The following BCR variants were observed in gnomAD, a reference collection of about 807,000 sequenced individuals.
BCR encodes BCR activator of RhoGEF and GTPase.
Under a neutral mutation model 138.6 loss-of-function variants are expected in BCR, and 58 were observed. The ratio of observed to expected loss-of-function variants is 0.42; its 90% CI spans 0.34 to 0.52. The LOEUF is 0.52. BCR is among the 20% of genes least tolerant of loss of function. BCR has a pLI of 0.06. For missense variants in BCR, 1,599 were observed against 1,727.2 expected (o/e 0.93, Z 1.32); for synonymous variants, 786 against 730.1 (o/e 1.08, Z -1.23).
intron 8 of BCR, among the ~76,000 whole-genome samples, chr22:23,275,825 C>T (rs1359059560): frequency 5.3e-5 from 8 of 152,228 alleles, no homozygotes; most frequent in Non-Finnish European, 1.5e-5. Flanking sequence ...GCTCTGACCT[C>T]CTGGGAAGTG....
intron 1 of BCR, among the ~76,000 whole-genome samples, chr22:23,215,347 C>G (rs150395661): frequency 6.6e-6 from 1 of 152,118 alleles, no homozygotes; most frequent in African/African-American, 2.4e-5. Context: ...CACATGTGCC[C>G]CAGGTACCAC....
chr22:23,182,560 C>T (rs984681680), intron 1 of BCR, among the ~76,000 whole-genome samples: 4 of 152,312 alleles, frequency 2.6e-5, no homozygotes, highest in East Asian at 3.9e-4. Context: ...CAGGCAGTAA[C>T]CTCCTTGCTA....
At chr22:23,289,165 G>A (rs530262244) in intron 12 of BCR, among the ~76,000 whole-genome samples, 2 of 152,344 alleles carry the variant, frequency 1.3e-5, no homozygotes, top group South Asian at 2.1e-4. Context: ...AGCAGAGGAC[G>A]GGCAGAGCCA....
At chr22:23,233,362 T>G (rs1315551245) in intron 1 of BCR, among the ~76,000 whole-genome samples, 1 of 152,156 alleles carries the variant, frequency 6.6e-6, no homozygotes, top group Non-Finnish European at 1.5e-5. Context: ...TGTTCTCGTT[T>G]GGAAACAGAA....
chr22:23,249,823 GC>G (rs1308880260), intron 1 of BCR, among the ~76,000 whole-genome samples: 1 of 152,182 alleles, frequency 6.6e-6, no homozygotes, highest in Non-Finnish European at 1.5e-5. Flanking sequence ...AGGGGCTGAA[GC>G]CCTCATATGG....
rs146090483 is a variant in BCR, at chr22:23,240,720, T to C, written c.1280-13079T>C. Among the ~76,000 whole-genome samples, 16 of 152,212 alleles carry C rather than the reference T, an allele frequency of 1.1e-4. No individual in the cohort carries two copies. In the East Asian group the frequency reaches 3.1e-3, roughly 29 times the overall value. On this transcript the variant is annotated intron_variant, in intron 1 of 22. Coordinates refer to ENST00000305877, the MANE Select transcript of BCR (RefSeq NM_004327.4). ...ATGTACTGTTTTAGCCATTTTTAAG[T>C]GTGCGGTTCAGTGGTATTCAGTACA...
chr22:23,309,461 G>A lies in BCR; in HGVS notation c.3050G>A (p.Arg1017His), dbSNP rs1260700536. Residue 1017 changes from arginine (R) to histidine (H), a missense_variant, in exon 17 of 23, where the codon CGC (arginine) becomes CAC (histidine). By Grantham distance (29) the Arg-to-His change is conservative (BLOSUM62 0). This residue lies in a region of BCR where 590 missense variants were observed against 762.4 expected (regional missense o/e 0.77). Coordinates refer to ENST00000305877, the MANE Select transcript of BCR (RefSeq NM_004327.4). ...GCCCTGCAGGACAGAGACTGGCAGC[G>A]CACCGTCATCGCCATGAATGGGGTA... ...PQALQDRDWQ[R>H]TVIAMNGIEV... The A allele has an allele frequency of 6.2e-6, 10 of 1,603,932 alleles. No homozygotes were observed. In the Admixed American group the frequency reaches 6.8e-5, roughly 11 times the overall value.
intron 8 of BCR, among the ~76,000 whole-genome samples, chr22:23,276,574 G>T (rs138292436): frequency 6.6e-6 from 1 of 152,194 alleles, no homozygotes; most frequent in African/African-American, 2.4e-5. Flanking sequence ...AAAAGTCACC[G>T]TGAGTCTGAC....
At chr22:23,187,642 T>C (rs1444724294) in intron 1 of BCR, among the ~76,000 whole-genome samples, 1 of 152,142 alleles carries the variant, frequency 6.6e-6, no homozygotes, top group Non-Finnish European at 1.5e-5. Flanking sequence ...CCTCCTCCTT[T>C]TTCTTTTTTT....
At chr22:23,289,965 CA>C in intron 13 of BCR, 2 of 503,792 alleles carry the variant, frequency 4.0e-6, no homozygotes, top group Non-Finnish European at 7.2e-6. Flanking sequence ...TGCCAGCCGG[CA>C]CTTTTGGTCA....
chr22:23,315,863 T>C lies in BCR; in HGVS notation c.*341T>C. On this transcript the variant is annotated 3_prime_UTR_variant, in exon 23 of 23. Coordinates refer to ENST00000305877, the MANE Select transcript of BCR (RefSeq NM_004327.4). ...TAGAGTCTAAAAGATTTCTACTGGA[T>C]CACTTGTCAAGATGCGCCCTCTCTG... 4.6e-6 allele frequency: 2 copies of C among 437,858 alleles called. No homozygotes were observed. The highest frequency in any genetic ancestry group is 8.7e-6 in the Non-Finnish European group (2 of 230,706). 27.1% of individuals were successfully genotyped at this position (437,858 alleles called of 1,614,324 possible).
chr22:23,202,576 G>A (rs1006769124), intron 1 of BCR, among the ~76,000 whole-genome samples: 4 of 152,120 alleles, frequency 2.6e-5, no homozygotes, highest in Admixed American at 2.6e-4. Context: ...CTAGGAATCT[G>A]ACGACTCTAG....
chr22:23,214,634 T>C (rs1216793574), intron 1 of BCR, among the ~76,000 whole-genome samples: 2 of 152,226 alleles, frequency 1.3e-5, no homozygotes, highest in East Asian at 3.8e-4. Context: ...GGGGATCGGC[T>C]CCCTGTGTTG....
Position 23,243,021 on chromosome 22 carries a change from G to C in BCR, c.1280-10778G>C, listed in dbSNP as rs575905889. On this transcript the variant is annotated intron_variant, in intron 1 of 22. Coordinates refer to ENST00000305877, the MANE Select transcript of BCR (RefSeq NM_004327.4). ...GTCTTCTGTCTCTTTAAAGATATTTGTCATTGGATTTAGGGTCCATCAGTG... is the reference window on the plus strand; with the variant it reads ...GTCTTCTGTCTCTTTAAAGATATTTCTCATTGGATTTAGGGTCCATCAGTG... 48 of 359,572 alleles carry C rather than the reference G, an allele frequency of 1.3e-4. 3 individuals carry two copies. Among genetic ancestry groups the C allele is most frequent in the South Asian group, 1.0e-3 (48 of 46,796 alleles). 22.3% of individuals were successfully genotyped at this position (359,572 alleles called of 1,614,324 possible).
chr22:23,242,053 G>A (rs2073099404), intron 1 of BCR, among the ~76,000 whole-genome samples: 1 of 152,114 alleles, frequency 6.6e-6, no homozygotes. Flanking sequence ...AAACCAAACT[G>A]ACACCAGGTA....
chr22:23,294,385 T>G (rs2073822900), intron 15 of BCR, among the ~76,000 whole-genome samples: 2 of 152,238 alleles, frequency 1.3e-5, no homozygotes. Context: ...CGACAGATCA[T>G]TATCTTTCAG....
chr22:23,260,602 T>C (rs1231929993), intron 2 of BCR, among the ~76,000 whole-genome samples: 1 of 152,104 alleles, frequency 6.6e-6, no homozygotes, highest in Non-Finnish European at 1.5e-5. Flanking sequence ...AGAGCCTCCT[T>C]CTCCTTCCCT....
At chr22:23,232,171 C>T (rs778082300) in intron 1 of BCR, among the ~76,000 whole-genome samples, 3 of 152,222 alleles carry the variant, frequency 2.0e-5, no homozygotes, top group Non-Finnish European at 1.5e-5. Flanking sequence ...AGCTCCTGGC[C>T]CAGTAGGGAT....
intron 1 of BCR, among the ~76,000 whole-genome samples, chr22:23,248,463 T>C (rs2073181025): frequency 6.6e-6 from 1 of 152,028 alleles, no homozygotes; most frequent in African/African-American, 2.4e-5. Context: ...CAGTGTAGTC[T>C]AGGGGATGTG....
Sources: allele counts gnomAD v4.1 joint callset (sites outside exome capture counted in the v4.1 genomes callset), GRCh38; gene constraint gnomAD v4.1.1; regional missense constraint gnomAD v4.1.1; transcripts MANE v1.5; gene names NCBI Gene and HGNC (gene_info 2026-07-23, HGNC 2026-07-21).